The following DUS1L variants were observed in gnomAD, a reference collection of about 807,000 sequenced individuals.
The protein encoded by DUS1L is dihydrouridine synthase 1 like.
In DUS1L, 56 loss-of-function variants were observed where a neutral mutation model predicts 61.2. That is an observed-to-expected ratio of 0.92 (90% CI 0.74 to 1.14). The LOEUF (loss-of-function observed/expected upper bound fraction) is 1.14, where lower values mean the gene tolerates loss of function less well. DUS1L is among the 50% of genes most tolerant of loss of function. The probability of loss-of-function intolerance (pLI) is 0.00; values close to 1 mark genes in which losing one functional copy is unlikely to be tolerated. For synonymous variants in DUS1L, 278 were observed against 259.5 expected, an observed-to-expected ratio of 1.07 and a Z score of -0.69; for missense variants, 630 against 632.4, an observed-to-expected ratio of 1.00 and a Z score of 0.04.
Position 82,058,120 on chromosome 17 carries a change from C to G in DUS1L, c.1417G>C (p.Ala473Pro), listed in dbSNP as rs2033151829. 1 of 1,566,470 alleles carries G rather than the reference C, an allele frequency of 6.4e-7. No individual in the cohort carries two copies. The highest frequency in any genetic ancestry group is 1.4e-5 in the African/African-American group (1 of 73,252). The change falls in exon 14 of 14, where the codon GCC (alanine) becomes CCC (proline). Residue 473 changes from alanine to proline, a missense_variant. By Grantham distance (27) the Ala-to-Pro change is conservative. Coordinates refer to ENST00000306796, the MANE Select transcript of DUS1L (RefSeq NM_022156.5). Reference sequence around the variant, plus strand: ...GGGGTGGGGGTTGTGGGCCTTCAGGCCAGGGCACTGCCCATGACTTCGGAG... The same window carrying G: ...GGGGTGGGGGTTGTGGGCCTTCAGGGCAGGGCACTGCCCATGACTTCGGAG... ...GFSEVMGSALA is the reference protein window; with the variant it reads ...GFSEVMGSALP
rs750972808 is a variant in DUS1L at position 82,057,973 on chromosome 17, A to G, written c.*142T>C. On this transcript the variant is annotated 3_prime_UTR_variant, in exon 14 of 14. Transcript: ENST00000306796. ...GCCTGCTCCCCACTGCAGCATTTCC[A>G]GGCCCCCAGAGTGGGCCGAAGGGGG... 1.3e-5 allele frequency: 14 copies of G among 1,089,902 alleles called. No homozygotes were observed. Among genetic ancestry groups the G allele is most frequent in the Non-Finnish European group, 1.6e-5 (13 of 804,978 alleles). The allele number at this position is 1,089,902 out of a possible 1,614,324, so 67.5% of individuals were successfully genotyped here.
intron 11 of DUS1L, chr17:82,059,522 T>C (rs1598549389): frequency 1.1e-5 from 2 of 177,860 alleles, no homozygotes; most frequent in African/African-American, 4.8e-5. Flanking sequence ...CACTGGTGGC[T>C]AAGAGAGGGG....
Position 82,064,809 on chromosome 17 carries a change from C to T in DUS1L, c.237+14G>A, listed in dbSNP as rs2033689720. 1 of 1,597,688 alleles carries T rather than the reference C, an allele frequency of 6.3e-7. No individual in the cohort carries two copies. Reference sequence around the variant, plus strand: ...AACCCAACCGCGGCCGCGGCCACAGCCCCTCCTGCGCACCTGCACGATGAG... The same window carrying T: ...AACCCAACCGCGGCCGCGGCCACAGTCCCTCCTGCGCACCTGCACGATGAG... On this transcript the variant is annotated intron_variant, in intron 2 of 13. Coordinates refer to ENST00000306796, the MANE Select transcript of DUS1L (RefSeq NM_022156.5).
In DUS1L at chr17:82,061,296, A is replaced by G; in HGVS notation, c.755T>C (p.Leu252Pro). Residue 252 changes from leucine to proline, a missense_variant, in exon 8 of 14, where the codon CTG becomes CCG. By Grantham distance (98) the Leu-to-Pro change is moderately conservative. Coordinates refer to ENST00000306796, the MANE Select transcript of DUS1L (RefSeq NM_022156.5). ...FEGRSPAVWE[L>P]AEEYLDIVRE... ...CACGATGTCCAGATACTCCTCGGCC[A>G]GCTCCCACACGGCAGGGCTCCGGCC... The G allele has an allele frequency of 6.2e-7, 1 of 1,611,044 alleles. No homozygotes were observed. The highest frequency in any genetic ancestry group is 8.5e-7 in the Non-Finnish European group (1 of 1,178,884).
chr17:82,061,529 A>C, intron 7 of DUS1L, 89 bp downstream of exon 7: 1 of 1,449,566 alleles, frequency 6.9e-7, no homozygotes, highest in Non-Finnish European at 9.5e-7. Context: ...CACCATGGGG[A>C]GGGCAGTAGG....
At position 82,060,876 on chromosome 17, in the gene DUS1L, G is replaced by C. The variant is rs1391780099; in HGVS notation, c.928C>G (p.Leu310Val). 3 of 1,612,062 alleles carry C rather than the reference G, an allele frequency of 1.9e-6. No homozygotes were observed. Among genetic ancestry groups the C allele is most frequent in the Non-Finnish European group, 2.5e-6 (3 of 1,179,878 alleles). Reference protein sequence around the residue: ...GIAAVSQELKLRCQEEISRQE... With the variant: ...GIAAVSQELKVRCQEEISRQE... ...GCCCCAGCACCTGCCTGACACCGCA[G>C]CTTCAGCTCCTGGCTCACAGCAGCG... Residue 310 changes from leucine to valine, a missense_variant, in exon 9 of 14, where the codon CTG (leucine) becomes GTG (valine). Coordinates refer to ENST00000306796, the MANE Select transcript of DUS1L (RefSeq NM_022156.5).
rs565074985 is a variant in DUS1L at position 82,060,294 on chromosome 17, C to T, written c.1023-201G>A. On this transcript the variant is annotated intron_variant, in intron 10 of 13. Coordinates refer to ENST00000306796, the MANE Select transcript of DUS1L (RefSeq NM_022156.5). The stretch of plus-strand genomic sequence containing the variant: ...GGGGCCTCTGAGATGGAGTCCGCAG[C>T]TCGGGCAGCCCCAAGCTCTGAACCA... 1.3e-5 allele frequency: 9 copies of T among 678,050 alleles called. No individual in the cohort carries two copies. The African/African-American group carries it at 1.6e-4, about 12-fold the overall frequency. 42.0% of individuals were successfully genotyped at this position (678,050 alleles called of 1,614,324 possible).
intron 7 of DUS1L, 24 bp downstream of exon 7, chr17:82,061,594 G>A: frequency 6.3e-7 from 1 of 1,599,398 alleles, no homozygotes; most frequent in Non-Finnish European, 8.5e-7. Context: ...TGGGGCCCTG[G>A]CTGCTGTCCT....
intron 11 of DUS1L, 95 bp downstream of exon 11, chr17:82,059,853 T>G: frequency 6.4e-7 from 1 of 1,554,598 alleles, no homozygotes; most frequent in Non-Finnish European, 8.8e-7. Flanking sequence ...CCTTGAGCCT[T>G]GCTGACCACA....
Position 82,059,985 on chromosome 17 carries a change from C to T in DUS1L, c.1131G>A (p.Leu377=). ...VLSKNKQKKQ[L]RNPHKTFDPS... is the part of the protein sequence containing the mutation. ...GGTCGAAGGTCTTGTGGGGGTTCCTCAGCTGCTTCTTTTGCTTGTTCTTGG... is the reference window on the plus strand; with the variant it reads ...GGTCGAAGGTCTTGTGGGGGTTCCTTAGCTGCTTCTTTTGCTTGTTCTTGG... Residue 377 remains leucine, a synonymous_variant, in exon 11 of 14, where the codon CTG becomes CTA. Transcript: ENST00000306796. 1 of 1,614,028 alleles carries T rather than the reference C, an allele frequency of 6.2e-7. No homozygotes were observed. The highest frequency in any genetic ancestry group is 1.3e-5 in the African/African-American group (1 of 75,044).
chr17:82,058,995 G>T, intron 11 of DUS1L, 177 bp from the exon 12 acceptor site: 1 of 628,052 alleles, frequency 1.6e-6, no homozygotes, highest in South Asian at 1.8e-5. Flanking sequence ...TTTTCCTTCC[G>T]TGAGCAATGG....
chr17:82,063,569 G>T, intron 3 of DUS1L, 51 bp from the exon 4 acceptor site: 1 of 1,610,098 alleles, frequency 6.2e-7, no homozygotes, highest in Middle Eastern at 1.7e-4. Flanking sequence ...GGCTGGTGGG[G>T]CCGAAGCCTT....
intron 11 of DUS1L, 57 bp downstream of exon 11, chr17:82,059,891 G>A: frequency 1.9e-6 from 3 of 1,605,282 alleles, no homozygotes; most frequent in South Asian, 2.2e-5. Flanking sequence ...CTGGCAACAG[G>A]GAGGATGGGG....
chr17:82,059,915 T>G (rs781082570), intron 11 of DUS1L, 33 bp downstream of exon 11: 69 of 1,612,332 alleles, frequency 4.3e-5, no homozygotes, highest in Non-Finnish European at 5.4e-5. Context: ...ATGAAGAGGC[T>G]CTCTCGGGCC....
chr17:82,062,625 C>T (rs1283068334), intron 5 of DUS1L, among the ~76,000 whole-genome samples: 9 of 152,200 alleles, frequency 5.9e-5, no homozygotes, highest in East Asian at 3.9e-4. Context: ...TCAGAGATGC[C>T]GACATTACTC....
intron 9 of DUS1L, 21 bp downstream of exon 9, chr17:82,060,844 C>T (rs766768302): frequency 1.2e-6 from 2 of 1,611,570 alleles, no homozygotes; most frequent in Admixed American, 1.7e-5. Flanking sequence ...AGGCCGGGCT[C>T]CCACCAGCCC....
At chr17:82,060,466 G>A (rs985855267) in intron 10 of DUS1L, 8 of 594,926 alleles carry the variant, frequency 1.3e-5, no homozygotes, top group African/African-American at 5.6e-5. Flanking sequence ...TTTAAAATCC[G>A]AGCGTCCACT....
At position 82,060,966 on chromosome 17, in the gene DUS1L, G is replaced by A; in HGVS notation, c.843-5C>T. ...AGCTCCTGGTGCACCTGCAGCCTGAGACAGAGGCCCTGTCACGCAGGCTGG... is the reference window on the plus strand; with the variant it reads ...AGCTCCTGGTGCACCTGCAGCCTGAAACAGAGGCCCTGTCACGCAGGCTGG... On this transcript the variant is annotated splice_region_variant and splice_polypyrimidine_tract_variant and intron_variant, in intron 8 of 13. Transcript: ENST00000306796. 6.2e-7 allele frequency: 1 copy of A among 1,608,510 alleles called. No homozygotes were observed. Among genetic ancestry groups the A allele is most frequent in the African/African-American group, 1.3e-5 (1 of 75,030 alleles).
chr17:82,060,656 C>T, intron 10 of DUS1L, 45 bp downstream of exon 10: 2 of 1,596,190 alleles, frequency 1.3e-6, no homozygotes, highest in Non-Finnish European at 1.7e-6. Context: ...GGGTGGAGCC[C>T]ACACCTTGGT....
Sources: allele counts gnomAD v4.1 joint callset (sites outside exome capture counted in the v4.1 genomes callset), GRCh38; gene constraint gnomAD v4.1.1; transcripts MANE v1.5; gene names NCBI Gene and HGNC (gene_info 2026-07-23, HGNC 2026-07-21).